TCF20: variants seen among roughly 807,000 people sequenced by gnomAD.
TCF20 encodes the protein transcription factor 20.
In TCF20, 3 loss-of-function variants were observed where a neutral mutation model predicts 148.6. The observed-to-expected ratio is 0.02, with a 90% confidence interval of 0.01 to 0.05. TCF20 has a LOEUF of 0.05. TCF20 is among the 10% of genes least tolerant of loss of function. TCF20 has a pLI of 1.00. For missense variants in TCF20, 2,350 were observed against 2,429.3 expected (o/e 0.97, Z 0.69); for synonymous variants, 1,049 against 909.5 (o/e 1.15, Z -2.76).
intron 1 of TCF20, among the ~76,000 whole-genome samples, chr22:42,218,668 T>A (rs924216474): frequency 1.3e-5 from 2 of 152,152 alleles, no homozygotes; most frequent in African/African-American, 4.8e-5. Flanking sequence ...AAGATCTGAG[T>A]GTATAAACAA....
At chr22:42,266,538 G>A (rs1926296384) in intron 1 of TCF20, among the ~76,000 whole-genome samples, 1 of 152,168 alleles carries the variant, frequency 6.6e-6, no homozygotes, top group South Asian at 2.1e-4. Context: ...GCTGAGGCAG[G>A]CTGATAACCT....
At chr22:42,247,706 A>G (rs1402844683) in intron 1 of TCF20, among the ~76,000 whole-genome samples, 2 of 152,138 alleles carry the variant, frequency 1.3e-5, no homozygotes, top group African/African-American at 4.8e-5. Context: ...TTGGGAAGAC[A>G]CTAGACCAGG....
chr22:42,284,149 C>T (rs1005598581), upstream of TCF20, among the ~76,000 whole-genome samples: 2 of 152,018 alleles, frequency 1.3e-5, no homozygotes, highest in Non-Finnish European at 2.9e-5. Context: ...GGGAGGGGAG[C>T]ACCCGATCCC....
At chr22:42,223,167 T>A (rs367828658) in intron 1 of TCF20, among the ~76,000 whole-genome samples, 1 of 152,150 alleles carries the variant, frequency 6.6e-6, no homozygotes, top group Non-Finnish European at 1.5e-5. Context: ...AAATAAATAA[T>A]TGCCATTTAT....
intron 1 of TCF20, among the ~76,000 whole-genome samples, chr22:42,300,159 G>A (rs1927310955): frequency 6.6e-6 from 1 of 152,130 alleles, no homozygotes; most frequent in South Asian, 2.1e-4. Flanking sequence ...GGGGAATGCG[G>A]TTTTATCTCA....
chr22:42,199,706 CAAAAAAAAAAAAA>C (rs59845847), intron 2 of TCF20, among the ~76,000 whole-genome samples: 122 of 33,874 alleles, frequency 3.6e-3, no homozygotes, highest in African/African-American at 0.011. Context: ...CCCATCTCTA[CAAAAAAAAAAAAA>C]AAAAAAAAAA....
chr22:42,219,632 G>A (rs1922166865), intron 1 of TCF20, among the ~76,000 whole-genome samples: 1 of 152,006 alleles, frequency 6.6e-6, no homozygotes, highest in Admixed American at 6.6e-5. Flanking sequence ...AAGGCGGGCA[G>A]ATCACTTGGG....
intron 1 of TCF20, among the ~76,000 whole-genome samples, chr22:42,256,583 C>T (rs933079668): frequency 1.1e-4 from 17 of 151,798 alleles, no homozygotes; most frequent in East Asian, 3.9e-4. Context: ...TCCACTTCCA[C>T]GAAGACTTTC....
chr22:42,314,017 C>G (rs774774335), intron 1 of TCF20, among the ~76,000 whole-genome samples: 1 of 152,228 alleles, frequency 6.6e-6, no homozygotes, highest in African/African-American at 2.4e-5. Flanking sequence ...CTCAGTGCAA[C>G]GGCAGGTGCT....
chr22:42,322,644 G>A (rs1927753463), intron 1 of TCF20, among the ~76,000 whole-genome samples: 1 of 151,814 alleles, frequency 6.6e-6, no homozygotes. Context: ...GTGACCAAAT[G>A]AGTGAGTGAG....
chr22:42,162,649 A>C (rs569696138), intron 5 of TCF20, among the ~76,000 whole-genome samples: 1 of 152,222 alleles, frequency 6.6e-6, no homozygotes, highest in Non-Finnish European at 1.5e-5. Context: ...GCTATCTGCC[A>C]ATCACTGTGC....
chr22:42,252,082 C>G (rs577788579), intron 1 of TCF20, among the ~76,000 whole-genome samples: 1 of 150,868 alleles, frequency 6.6e-6, no homozygotes, highest in Non-Finnish European at 1.5e-5. Flanking sequence ...CCAGCCTGGG[C>G]AACATGGCGA....
In TCF20 at chr22:42,215,036, G is replaced by A. The variant is rs1399590482; in HGVS notation, c.270C>T (p.Tyr90=). The part of the protein sequence containing the change: ...QGFRKEAGDF[Y]YMAGNKDPVT... ...CGGGGTCTTTGTTGCCTGCCATGTA[G>A]TAAAAATCTCCAGCCTCTTTCCTGA... The change falls in exon 2 of 6, where the codon TAC becomes TAT. Residue 90 remains tyrosine, a synonymous_variant. Transcript: ENST00000677622. 13 of 1,614,190 alleles carry A rather than the reference G, an allele frequency of 8.1e-6. No individual in the cohort carries two copies. Among genetic ancestry groups the A allele is most frequent in the Admixed American group, 3.3e-5 (2 of 60,020 alleles).
At chr22:42,258,881 AAG>A (rs1302363841) in intron 1 of TCF20, among the ~76,000 whole-genome samples, 5 of 152,116 alleles carry the variant, frequency 3.3e-5, no homozygotes, top group African/African-American at 9.7e-5. Flanking sequence ...AAACACATAA[AAG>A]AGTTCTCTTG....
chr22:42,330,129 T>C (rs931380949), intron 1 of TCF20, among the ~76,000 whole-genome samples: 1 of 152,142 alleles, frequency 6.6e-6, no homozygotes, highest in Non-Finnish European at 1.5e-5. Flanking sequence ...AGACAACCCC[T>C]GGCCAGGGCC....
chr22:42,235,141 C>T (rs1431280761), intron 1 of TCF20, among the ~76,000 whole-genome samples: 1 of 109,256 alleles, frequency 9.2e-6, no homozygotes, highest in Non-Finnish European at 1.8e-5. Context: ...GACTCTGTCT[C>T]AAAAAAAAAA....
At chr22:42,310,377 G>T (rs553260849) in intron 1 of TCF20, among the ~76,000 whole-genome samples, 2 of 151,416 alleles carry the variant, frequency 1.3e-5, no homozygotes, top group Admixed American at 6.6e-5. Context: ...TGTCCCACTG[G>T]GGGAGACAGA....
intron 1 of TCF20, among the ~76,000 whole-genome samples, chr22:42,311,557 C>A (rs1284500756): frequency 1.3e-5 from 2 of 152,164 alleles, no homozygotes; most frequent in African/African-American, 4.8e-5. Context: ...GCCACACCAC[C>A]ATCATACACC....
chr22:42,206,833 CAGA>C (rs969808631), intron 2 of TCF20, among the ~76,000 whole-genome samples: 2 of 151,926 alleles, frequency 1.3e-5, no homozygotes, highest in Admixed American at 6.6e-5. Flanking sequence ...TTCTTTTTGC[CAGA>C]AGGTTATAAA....
Sources: gnomAD v4.1 joint callset for allele counts (sites outside exome capture counted in the v4.1 genomes callset) on GRCh38, gnomAD v4.1.1 for gene constraint, MANE v1.5 for transcripts, NCBI Gene and HGNC (gene_info 2026-07-23, HGNC 2026-07-21) for gene names.